SVEP1: variants seen among roughly 807,000 people sequenced by gnomAD.
SVEP1 encodes sushi, von Willebrand factor type A, EGF and pentraxin domain-containing protein 1.
Under a neutral mutation model 367.3 loss-of-function variants are expected in SVEP1, and 164 were observed. That is an observed-to-expected ratio of 0.45 (90% CI 0.39 to 0.51). SVEP1 has a LOEUF of 0.51. Ranked by LOEUF, SVEP1 falls within the 20% of genes least tolerant of loss-of-function variation. SVEP1 has a pLI of 0.00. For synonymous variants in SVEP1, 1,666 were observed against 1,611.6 expected, an observed-to-expected ratio of 1.03 and a Z score of -0.81; for missense variants, 4,117 against 4,425.3, an observed-to-expected ratio of 0.93 and a Z score of 1.98.
chr9:110,455,818 T>TAAAGA (rs58837345), intron 21 of SVEP1, 115 bp from the exon 22 acceptor site: 534,511 of 639,620 alleles, frequency 0.84, 225,125 homozygotes, highest in East Asian at 0.99. Flanking sequence ...TGGGTAGTGG[T>TAAAGA]AAAGGGTAAT....
At chr9:110,490,428 T>C (rs968526346) in intron 8 of SVEP1, among the ~76,000 whole-genome samples, 1 of 152,178 alleles carries the variant, frequency 6.6e-6, no homozygotes, top group Admixed American at 6.6e-5. Flanking sequence ...CAAGGTCTTA[T>C]GACTTCTATC....
At chr9:110,561,121 C>T (rs939178763) in intron 1 of SVEP1, among the ~76,000 whole-genome samples, 2 of 152,124 alleles carry the variant, frequency 1.3e-5, no homozygotes, top group Non-Finnish European at 2.9e-5. Context: ...CTTTTGCACT[C>T]GATTTTAGCT....
chr9:110,478,896 T>C (rs145997995), intron 13 of SVEP1, among the ~76,000 whole-genome samples: 6 of 150,532 alleles, frequency 4.0e-5, no homozygotes, highest in African/African-American at 7.4e-5. Context: ...TACAGTTACA[T>C]ATATTGCTGT....
intron 19 of SVEP1, 122 bp from the exon 20 acceptor site, chr9:110,458,684 T>G (rs1251481586): frequency 9.5e-7 from 1 of 1,054,582 alleles, no homozygotes; most frequent in South Asian, 1.7e-5. Flanking sequence ...TTTGTTTCAC[T>G]TATATTTTAA....
chr9:110,486,793 C>A (rs552903537), intron 9 of SVEP1, among the ~76,000 whole-genome samples: 3 of 151,900 alleles, frequency 2.0e-5, no homozygotes, highest in Non-Finnish European at 4.4e-5. Context: ...TACAGGTGTG[C>A]GCCACCACAC....
At chr9:110,573,318 T>C (rs1312524685) in intron 1 of SVEP1, among the ~76,000 whole-genome samples, 1 of 152,212 alleles carries the variant, frequency 6.6e-6, no homozygotes, top group Non-Finnish European at 1.5e-5. Flanking sequence ...CTTCAGGGTT[T>C]GTTAGAAAAC....
intron 27 of SVEP1, among the ~76,000 whole-genome samples, chr9:110,441,373 A>G (rs1828507301): frequency 6.6e-6 from 1 of 152,020 alleles, no homozygotes; most frequent in Admixed American, 6.6e-5. Flanking sequence ...AATCTCCCCA[A>G]TCCATTTCTT....
chr9:110,425,163 TAACA>T, intron 36 of SVEP1, among the ~76,000 whole-genome samples: 1 of 152,306 alleles, frequency 6.6e-6, no homozygotes, highest in East Asian at 1.9e-4. Flanking sequence ...AACTGTCTCC[TAACA>T]GTTATTTTTT....
Position 110,560,707 on chromosome 9 carries a change from T to C in SVEP1, c.532-10603A>G, listed in dbSNP as rs182399882. On this transcript the variant is annotated intron_variant, in intron 1 of 47. Coordinates refer to ENST00000374469, the MANE Select transcript of SVEP1 (RefSeq NM_153366.4). ...CTGTTTTCAAGATATATCAAATATC[T>C]TTCAAGTCTGAAATCTGGGAGTAAT... Among the ~76,000 whole-genome samples the C allele has an allele frequency of 3.8e-3, 577 of 152,304 alleles. 2 individuals carry two copies. Among genetic ancestry groups the C allele is most frequent in the African/African-American group, 0.013 (549 of 41,572 alleles).
intron 10 of SVEP1, 81 bp downstream of exon 10, chr9:110,483,505 C>G: frequency 1.1e-6 from 1 of 924,344 alleles, no homozygotes. Flanking sequence ...TGCTTTTTCT[C>G]TTTTATCCCA....
Position 110,474,825 on chromosome 9 carries a change from A to G in SVEP1, c.2599+1379T>C, listed in dbSNP as rs1156525955. 2.6e-5 allele frequency among the ~76,000 whole-genome samples: 4 copies of G among 152,168 alleles called. No homozygotes were observed. In the East Asian group the frequency reaches 7.7e-4, roughly 29 times the overall value. On this transcript the variant is annotated intron_variant, in intron 14 of 47. Coordinates refer to ENST00000374469, the MANE Select transcript of SVEP1 (RefSeq NM_153366.4). ...AAACTATTTCTATAAATTATGGTAA[A>G]CTGATCGATGGGATAATATTCAAAC...
intron 5 of SVEP1, 64 bp downstream of exon 5, chr9:110,512,862 G>A: frequency 6.4e-7 from 1 of 1,574,602 alleles, no homozygotes; most frequent in Non-Finnish European, 8.7e-7. Flanking sequence ...TGGTTTACTA[G>A]AGTTTAAATC....
intron 3 of SVEP1, among the ~76,000 whole-genome samples, chr9:110,537,847 T>A (rs1830097160): frequency 6.6e-6 from 1 of 151,924 alleles, no homozygotes; most frequent in African/African-American, 2.4e-5. Context: ...TTTTCCATTT[T>A]TTTTTTTAGG....
At chr9:110,471,818 T>A (rs1228240649) in intron 15 of SVEP1, among the ~76,000 whole-genome samples, 2 of 152,236 alleles carry the variant, frequency 1.3e-5, no homozygotes, top group Admixed American at 6.5e-5. Flanking sequence ...CTAAGAACTA[T>A]ACAATTTGTT....
intron 3 of SVEP1, among the ~76,000 whole-genome samples, chr9:110,537,463 T>C (rs965739849): frequency 6.6e-6 from 1 of 151,988 alleles, no homozygotes; most frequent in Non-Finnish European, 1.5e-5. Context: ...TAGTAGCACC[T>C]TTGGTCACAG....
chr9:110,463,069 TAAATA>T (rs1377186090), intron 18 of SVEP1, among the ~76,000 whole-genome samples: 2 of 152,092 alleles, frequency 1.3e-5, no homozygotes, highest in African/African-American at 4.8e-5. Context: ...TCATTTTAAA[TAAATA>T]AATCAGTTTC....
In SVEP1 at chr9:110,539,903, C is replaced by G. The variant is rs977275138; in HGVS notation, c.964+6212G>C. Among the ~76,000 whole-genome samples, 18 of 152,116 alleles carry G rather than the reference C, an allele frequency of 1.2e-4. No homozygotes were observed. In the East Asian group the frequency reaches 3.5e-3, roughly 29 times the overall value. ...ATGTTCTGTGACCAAAGTGGCTAGA[C>G]TATAGACTGTGCAGCCAGAAAACTC... On this transcript the variant is annotated intron_variant, in intron 3 of 47. Transcript: ENST00000374469.
chr9:110,451,488 G>A (rs1828692446), intron 22 of SVEP1, 86 bp from the exon 23 acceptor site: 1 of 830,812 alleles, frequency 1.2e-6, no homozygotes, highest in Non-Finnish European at 1.9e-6. Flanking sequence ...TTCAGGCATT[G>A]GAATAGGGAA....
In SVEP1 at chr9:110,411,170, C is replaced by T. The variant is rs765298196; in HGVS notation, c.6541G>A (p.Glu2181Lys). The change falls in exon 37 of 48, where the codon GAA (glutamate) becomes AAA (lysine). Residue 2181 changes from glutamate (E) to lysine (K), a missense_variant. Physicochemically the swap from Glu to Lys is moderately conservative, Grantham distance 56. Coordinates refer to ENST00000374469, the MANE Select transcript of SVEP1 (RefSeq NM_153366.4). The part of the protein sequence containing the change: ...SCNKGFYIKG[E>K]KKSTCEATGQ... ...GTGGCTTCGCAGGTGCTCTTCTTTTCCCCTTTGATGTAGAACCCCTTGTTG... is the reference window on the plus strand; with the variant it reads ...GTGGCTTCGCAGGTGCTCTTCTTTTTCCCTTTGATGTAGAACCCCTTGTTG... 20 of 1,613,880 alleles carry T rather than the reference C, an allele frequency of 1.2e-5. No individual in the cohort carries two copies. Among genetic ancestry groups the T allele is most frequent in the Non-Finnish European group, 1.5e-5 (18 of 1,179,898 alleles).
Sources: allele counts gnomAD v4.1 joint callset (sites outside exome capture counted in the v4.1 genomes callset), GRCh38; gene constraint gnomAD v4.1.1; transcripts MANE v1.5; gene names NCBI Gene and HGNC (gene_info 2026-07-23, HGNC 2026-07-21).